RERE: variants seen among roughly 807,000 people sequenced by gnomAD.
The protein encoded by RERE is arginine-glutamic acid dipeptide repeats protein.
A neutral mutation model predicts 146.1 loss-of-function variants in RERE; 40 were observed. That is an observed-to-expected ratio of 0.27 (90% CI 0.21 to 0.36). The LOEUF (loss-of-function observed/expected upper bound fraction) is 0.36, where lower values mean the gene tolerates loss of function less well. RERE is among the 10% of genes least tolerant of loss of function. The probability of loss-of-function intolerance (pLI) is 1.00; values close to 1 mark genes in which losing one functional copy is unlikely to be tolerated. For missense variants in RERE, 1,933 were observed against 2,138.7 expected, an observed-to-expected ratio of 0.90 and a Z score of 1.90; for synonymous variants, 1,003 against 866.0, an observed-to-expected ratio of 1.16 and a Z score of -2.78.
At chr1:8,731,920 A>G (rs569128005) in intron 1 of RERE, among the ~76,000 whole-genome samples, 1 of 152,234 alleles carries the variant, frequency 6.6e-6, no homozygotes, top group South Asian at 2.1e-4. Flanking sequence ...CTCCTGCCTC[A>G]GCCTCCCCAG....
intron 11 of RERE, among the ~76,000 whole-genome samples, chr1:8,433,048 C>A (rs896180546): frequency 6.6e-6 from 1 of 152,066 alleles, no homozygotes. Flanking sequence ...AAGCACATGT[C>A]GGAGATTATA....
intron 4 of RERE, among the ~76,000 whole-genome samples, chr1:8,571,092 C>T (rs1167737897): frequency 6.6e-6 from 1 of 152,150 alleles, no homozygotes; most frequent in East Asian, 1.9e-4. Flanking sequence ...AACGGTGAAC[C>T]CTTGAAGCTG....
chr1:8,488,086 C>CAAA (rs61502634), intron 10 of RERE, among the ~76,000 whole-genome samples: 65 of 126,076 alleles, frequency 5.2e-4, no homozygotes, highest in East Asian at 8.6e-4. Flanking sequence ...TTTTTTTAAT[C>CAAA]AAAAAAAAAA....
chr1:8,497,682 A>C (rs1180592729), intron 8 of RERE, among the ~76,000 whole-genome samples, 153 bp from the exon 9 acceptor site: 1 of 152,198 alleles, frequency 6.6e-6, no homozygotes, highest in African/African-American at 2.4e-5. Context: ...AGTCATTTAA[A>C]CTGACCTATT....
At chr1:8,588,991 G>A (rs181377130) in intron 4 of RERE, among the ~76,000 whole-genome samples, 14 of 151,928 alleles carry the variant, frequency 9.2e-5, no homozygotes, top group African/African-American at 3.1e-4. Flanking sequence ...GGGTGTGGTG[G>A]CAGGCACCTG....
chr1:8,478,488 G>A (rs892080174), intron 10 of RERE, among the ~76,000 whole-genome samples: 9 of 152,166 alleles, frequency 5.9e-5, no homozygotes, highest in African/African-American at 2.2e-4. Context: ...GAGAAGGCAG[G>A]CCACTCAACA....
chr1:8,469,811 G>A (rs1206088175), intron 10 of RERE, among the ~76,000 whole-genome samples: 1 of 152,168 alleles, frequency 6.6e-6, no homozygotes. Context: ...ATAGCTGGAA[G>A]AGATGCTTCC....
chr1:8,612,437 AAAG>A (rs1184592009), intron 4 of RERE, among the ~76,000 whole-genome samples: 2 of 152,250 alleles, frequency 1.3e-5, no homozygotes, highest in African/African-American at 2.4e-5. Context: ...ATCTTGACTG[AAAG>A]AAGATTTATC....
At chr1:8,811,475 A>G (rs1641805315) in intron 1 of RERE, among the ~76,000 whole-genome samples, 2 of 152,032 alleles carry the variant, frequency 1.3e-5, no homozygotes, top group Non-Finnish European at 2.9e-5. Context: ...AGTGGTACAC[A>G]CCTCTAGTCC....
intron 8 of RERE, among the ~76,000 whole-genome samples, chr1:8,504,808 G>A (rs894013171): frequency 1.3e-4 from 19 of 151,968 alleles, no homozygotes; most frequent in African/African-American, 4.4e-4. Context: ...AGACAAGATT[G>A]TGCCACTGCA....
At chr1:8,794,350 T>C (rs1569812267) in intron 1 of RERE, among the ~76,000 whole-genome samples, 1 of 90,946 alleles carries the variant, frequency 1.1e-5, no homozygotes, top group Middle Eastern at 0.011. Context: ...AGAGCGAGAC[T>C]CCGTCTCAAA....
At chr1:8,490,721 A>C (rs538935359) in intron 10 of RERE, among the ~76,000 whole-genome samples, 4 of 150,568 alleles carry the variant, frequency 2.7e-5, no homozygotes, top group East Asian at 1.9e-4. Flanking sequence ...CGCGAAATGC[A>C]AACTACTCCA....
chr1:8,559,785 G>C (rs1646056366), intron 4 of RERE, among the ~76,000 whole-genome samples: 1 of 152,178 alleles, frequency 6.6e-6, no homozygotes, highest in Non-Finnish European at 1.5e-5. Flanking sequence ...ATATGGAGAA[G>C]AACCTGAGTC....
At chr1:8,495,746 C>G (rs1264160292) in intron 9 of RERE, among the ~76,000 whole-genome samples, 1 of 152,198 alleles carries the variant, frequency 6.6e-6, no homozygotes, top group Non-Finnish European at 1.5e-5. Context: ...GAATCTAAAT[C>G]TATGAGCCAC....
At chr1:8,770,282 C>A (rs1270244068) in intron 1 of RERE, among the ~76,000 whole-genome samples, 1 of 151,958 alleles carries the variant, frequency 6.6e-6, no homozygotes, top group Non-Finnish European at 1.5e-5. Context: ...AGGTACAGTA[C>A]CTGACACAGA....
In RERE at chr1:8,362,987, C is replaced by T. The variant is rs553408205; in HGVS notation, c.1741-143G>A. 84 of 813,358 alleles carry T rather than the reference C, an allele frequency of 1.0e-4. 1 individual carries two copies. The East Asian group carries it at 1.8e-3, about 17-fold the overall frequency. 50.4% of individuals were successfully genotyped at this position (813,358 alleles called of 1,614,324 possible). On this transcript the variant is annotated intron_variant, in intron 15 of 22. Transcript: ENST00000400908. ...CCAGACCTTGGCAAACAACAGGCCG[C>T]CCTGCCTGTCCCTGGCTGCATGAAG...
intron 1 of RERE, among the ~76,000 whole-genome samples, chr1:8,716,864 C>T (rs768171617): frequency 6.6e-6 from 1 of 151,942 alleles, no homozygotes; most frequent in Non-Finnish European, 1.5e-5. Context: ...CTTTTTAAGA[C>T]GTAGGCATCG....
intron 11 of RERE, among the ~76,000 whole-genome samples, chr1:8,440,093 T>C (rs1040037891): frequency 7.9e-5 from 12 of 151,946 alleles, no homozygotes; most frequent in African/African-American, 2.4e-4. Context: ...AAAAACAAAA[T>C]ATCTATGGTG....
At chr1:8,377,754 G>A (rs1247723745) in intron 12 of RERE, among the ~76,000 whole-genome samples, 2 of 152,172 alleles carry the variant, frequency 1.3e-5, no homozygotes, top group African/African-American at 4.8e-5. Flanking sequence ...CATCGGCAAT[G>A]TAACGTTTAA....
Sources: allele counts gnomAD v4.1 joint callset (sites outside exome capture counted in the v4.1 genomes callset), GRCh38; gene constraint gnomAD v4.1.1; transcripts MANE v1.5; gene names NCBI Gene and HGNC (gene_info 2026-07-23, HGNC 2026-07-21).